Variants in MACROD2 observed in about 807,000 individuals in gnomAD.
The protein encoded by MACROD2 is ADP-ribose glycohydrolase MACROD2.
In MACROD2, 36 loss-of-function variants were observed where a neutral mutation model predicts 70.4. The ratio of observed to expected loss-of-function variants is 0.51; its 90% CI spans 0.39 to 0.68. The LOEUF is 0.68. MACROD2 is among the 30% of genes least tolerant of loss of function. The probability of loss-of-function intolerance (pLI) is 0.00; values close to 1 mark genes in which losing one functional copy is unlikely to be tolerated. For synonymous variants in MACROD2, 172 were observed against 178.8 expected, an observed-to-expected ratio of 0.96 and a Z score of 0.30; for missense variants, 496 against 538.4, an observed-to-expected ratio of 0.92 and a Z score of 0.78.
intron 5 of MACROD2, among the ~76,000 whole-genome samples, chr20:15,215,686 T>C (rs889943162): frequency 4.6e-5 from 7 of 152,102 alleles, no homozygotes; most frequent in South Asian, 2.1e-4. Context: ...GCAACAAACA[T>C]ATTTATATCC....
chr20:15,402,925 G>C (rs1462292686), intron 6 of MACROD2, among the ~76,000 whole-genome samples: 1 of 152,124 alleles, frequency 6.6e-6, no homozygotes, highest in Non-Finnish European at 1.5e-5. Flanking sequence ...AATCTGAAGA[G>C]AGGTCCTCTT....
chr20:16,024,216 A>G (rs925032525), intron 15 of MACROD2, among the ~76,000 whole-genome samples: 1 of 152,210 alleles, frequency 6.6e-6, no homozygotes, highest in South Asian at 2.1e-4. Context: ...AGCCTCAGTT[A>G]GGGACTTTAA....
chr20:14,964,471 G>A (rs1335464146), intron 5 of MACROD2, among the ~76,000 whole-genome samples: 1 of 152,014 alleles, frequency 6.6e-6, no homozygotes, highest in Admixed American at 6.6e-5. Context: ...TACTCAGGAG[G>A]CTGAGGCAGA....
chr20:14,944,855 C>T (rs1366774012), intron 5 of MACROD2, among the ~76,000 whole-genome samples: 1 of 152,102 alleles, frequency 6.6e-6, no homozygotes, highest in Non-Finnish European at 1.5e-5. Flanking sequence ...GCCTTCTCAC[C>T]CTTCTGCCTG....
chr20:14,169,074 C>T (rs2081195947), intron 3 of MACROD2, among the ~76,000 whole-genome samples: 2 of 152,118 alleles, frequency 1.3e-5, no homozygotes, highest in East Asian at 1.9e-4. Context: ...AAATGTGATA[C>T]ACCGCATAAA....
At position 15,672,367 on chromosome 20, in the gene MACROD2, A is replaced by ACACACG. The variant is rs1555858323; in HGVS notation, c.645+172525_645+172526insGCACAC. 2.6e-3 allele frequency among the ~76,000 whole-genome samples: 391 copies of ACACACG among 151,746 alleles called. 2 individuals are homozygous for ACACACG. The highest frequency in any genetic ancestry group is 5.1e-3 in the Admixed American group (77 of 15,232). On this transcript the variant is annotated intron_variant, in intron 8 of 17. Transcript: ENST00000684519. ...CTATTTTACACACACACACACACACACACACACACACACACACACGTAGAG... is the reference window on the plus strand; with the variant it reads ...CTATTTTACACACACACACACACACACACACGCACACACACACACACACACGTAGAG...
intron 3 of MACROD2, among the ~76,000 whole-genome samples, chr20:14,305,830 A>G (rs1232492103): frequency 6.6e-6 from 1 of 151,874 alleles, no homozygotes; most frequent in Non-Finnish European, 1.5e-5. Flanking sequence ...TGGGGGAAAG[A>G]TTTTGTTACA....
At chr20:15,132,634 A>T (rs1351704861) in intron 5 of MACROD2, among the ~76,000 whole-genome samples, 1 of 152,044 alleles carries the variant, frequency 6.6e-6, no homozygotes, top group African/African-American at 2.4e-5. Context: ...ACTTAAAAAA[A>T]ACTTTCAAAT....
At chr20:14,897,578 A>T (rs912402336) in intron 5 of MACROD2, among the ~76,000 whole-genome samples, 5 of 152,124 alleles carry the variant, frequency 3.3e-5, no homozygotes, top group African/African-American at 1.2e-4. Flanking sequence ...TTAGTGCTTC[A>T]TTTCAGGCTG....
intron 4 of MACROD2, among the ~76,000 whole-genome samples, chr20:14,636,152 A>G (rs1472352131): frequency 1.3e-5 from 2 of 152,200 alleles, no homozygotes; most frequent in African/African-American, 4.8e-5. Flanking sequence ...TAAGAGTTCT[A>G]TGAAAATGGA....
intron 8 of MACROD2, among the ~76,000 whole-genome samples, chr20:15,739,128 T>C (rs2051067330): frequency 6.6e-6 from 1 of 152,018 alleles, no homozygotes; most frequent in African/African-American, 2.4e-5. Flanking sequence ...GAATGAGAGA[T>C]TAGGTGAAGG....
chr20:14,368,468 G>A (rs540284498), intron 3 of MACROD2, among the ~76,000 whole-genome samples: 2 of 151,890 alleles, frequency 1.3e-5, no homozygotes, highest in South Asian at 2.1e-4. Flanking sequence ...GCATGAACCC[G>A]GAAGGCAGAG....
chr20:14,802,245 C>G (rs1320149768), intron 5 of MACROD2, among the ~76,000 whole-genome samples: 1 of 152,058 alleles, frequency 6.6e-6, no homozygotes, highest in East Asian at 1.9e-4. Flanking sequence ...AGGCAGGAAT[C>G]TAGTTCACTA....
At chr20:15,996,585 T>C (rs1222028919) in intron 15 of MACROD2, among the ~76,000 whole-genome samples, 1 of 152,166 alleles carries the variant, frequency 6.6e-6, no homozygotes, top group Non-Finnish European at 1.5e-5. Flanking sequence ...TTATAATTCT[T>C]ATATGTTTAG....
chr20:14,160,173 G>A (rs1043795443), intron 3 of MACROD2, among the ~76,000 whole-genome samples: 1 of 152,098 alleles, frequency 6.6e-6, no homozygotes, highest in Admixed American at 6.5e-5. Context: ...GATACTGCCT[G>A]TGGTTTTCTT....
At chr20:15,382,089 C>G (rs2146279854) in intron 6 of MACROD2, among the ~76,000 whole-genome samples, 1 of 152,262 alleles carries the variant, frequency 6.6e-6, no homozygotes, top group South Asian at 2.1e-4. Context: ...GACAGTACTA[C>G]TAGTCACAAT....
intron 8 of MACROD2, among the ~76,000 whole-genome samples, chr20:15,517,796 A>G (rs2047590457): frequency 6.6e-6 from 1 of 152,206 alleles, no homozygotes; most frequent in African/African-American, 2.4e-5. Context: ...CAGCAGAAAT[A>G]AAACAGGCTC....
intron 3 of MACROD2, among the ~76,000 whole-genome samples, chr20:14,411,820 C>T (rs922312409): frequency 2.6e-5 from 4 of 152,056 alleles, no homozygotes; most frequent in East Asian, 1.9e-4. Context: ...CCATAGACTG[C>T]GATGAAAATA....
intron 12 of MACROD2, among the ~76,000 whole-genome samples, chr20:15,943,742 G>A (rs4814418): frequency 0.95 from 144,222 of 152,226 alleles, 68,656 homozygotes; most frequent in East Asian, 1. Flanking sequence ...GTTAACCGCC[G>A]TACCTAATAC....
Sources: gnomAD v4.1 joint callset for allele counts (sites outside exome capture counted in the v4.1 genomes callset) on GRCh38, gnomAD v4.1.1 for gene constraint, MANE v1.5 for transcripts, NCBI Gene and HGNC (gene_info 2026-07-23, HGNC 2026-07-21) for gene names.